Variants in CDYL observed in about 807,000 individuals in gnomAD.
CDYL encodes chromodomain Y-like protein.
Under a neutral mutation model 47.3 loss-of-function variants are expected in CDYL, and 8 were observed. The ratio of observed to expected loss-of-function variants is 0.17; its 90% CI spans 0.10 to 0.31. The LOEUF is 0.31. CDYL is among the 10% of genes least tolerant of loss of function. The probability of loss-of-function intolerance (pLI) is 1.00; values close to 1 mark genes in which losing one functional copy is unlikely to be tolerated. For synonymous variants in CDYL, 266 were observed against 265.0 expected (o/e 1.00, Z -0.04); for missense variants, 471 against 701.4 (o/e 0.67, Z 3.71).
At chr6:4,724,423 A>G (rs1012593118) in intron 2 of CDYL, 13 of 152,190 alleles carry the variant, frequency 8.5e-5, no homozygotes, top group African/African-American at 3.1e-4. Context: ...TGATGGGTTT[A>G]TGCTGCAGTA....
chr6:4,838,708 A>G (rs1159001940), intron 1 of CDYL, among the ~76,000 whole-genome samples: 4 of 151,020 alleles, frequency 2.6e-5, no homozygotes, highest in Non-Finnish European at 5.9e-5. Flanking sequence ...TTTTTTTGAG[A>G]CAGAGTCTCC....
At position 4,844,951 on chromosome 6, in the gene CDYL, A is replaced by G. The variant is rs566027480; in HGVS notation, c.25-46762A>G. 3.3e-5 allele frequency among the ~76,000 whole-genome samples: 5 copies of G among 152,262 alleles called. 1 individual carries two copies. In the South Asian group the frequency reaches 1.0e-3, roughly 32 times the overall value. On this transcript the variant is annotated intron_variant, in intron 1 of 6. Coordinates refer to ENST00000397588, the MANE Select transcript of CDYL (RefSeq NM_004824.4). ...ATAAATTGCCTTTTTCATTCTTTTGAATCTTTTGCTAAATTTAGATGCTGT... is the reference window on the plus strand; with the variant it reads ...ATAAATTGCCTTTTTCATTCTTTTGGATCTTTTGCTAAATTTAGATGCTGT...
intron 3 of CDYL, among the ~76,000 whole-genome samples, chr6:4,747,715 A>G (rs1300310302): frequency 6.6e-6 from 1 of 152,158 alleles, no homozygotes; most frequent in African/African-American, 2.4e-5. Flanking sequence ...ACTGTTTCTC[A>G]CCAGTGCAAG....
In CDYL at chr6:4,787,765, CTTTTTTTTTTT is replaced by C. The variant is rs70974136; in HGVS notation, c.24+10971_24+10981del. On this transcript the variant is annotated intron_variant, in intron 1 of 6. Coordinates refer to ENST00000397588, the MANE Select transcript of CDYL (RefSeq NM_004824.4). Reference sequence around the variant, plus strand: ...GGACAGGCTGCTCTGAAATTCAAGTCTTTTTTTTTTTTTTTTTTTTTTTGGGAGACAGAGTC... The same window carrying C: ...GGACAGGCTGCTCTGAAATTCAAGTCTTTTTTTTTTTTGGGAGACAGAGTC... 1.4e-4 allele frequency among the ~76,000 whole-genome samples: 10 copies of C among 69,408 alleles called. 1 individual carries two copies. The highest frequency in any genetic ancestry group is 4.5e-4 in the Admixed American group (2 of 4,404). The allele number at this position is 69,408 out of a possible 152,430, so 45.5% of individuals were successfully genotyped here. A position where few individuals can be genotyped will look rare whatever the true frequency, so the allele number is the denominator to read the frequency against.
chr6:4,853,574 TCTC>T (rs937282228), intron 1 of CDYL, among the ~76,000 whole-genome samples: 65 of 152,310 alleles, frequency 4.3e-4, no homozygotes, highest in African/African-American at 1.5e-3. Flanking sequence ...TTGAGTCTCT[TCTC>T]AGCTTCACTG....
At chr6:4,742,364 C>CA (rs60712483) in intron 3 of CDYL, among the ~76,000 whole-genome samples, 4,199 of 52,522 alleles carry the variant, frequency 0.08, 365 homozygotes, top group African/African-American at 0.23. Context: ...GATCCTGTCT[C>CA]AAAAAAAAAA....
chr6:4,793,661 A>G (rs1047989085), intron 1 of CDYL, among the ~76,000 whole-genome samples: 1 of 152,182 alleles, frequency 6.6e-6, no homozygotes, highest in African/African-American at 2.4e-5. Context: ...GAGACCAACT[A>G]GGAGGCTGGC....
intron 3 of CDYL, among the ~76,000 whole-genome samples, chr6:4,756,279 G>A (rs1473995284): frequency 6.6e-6 from 1 of 152,004 alleles, no homozygotes; most frequent in Admixed American, 6.6e-5. Context: ...TCCACATTTC[G>A]ACTCCAACCT....
rs1295018064 is a variant in CDYL, at chr6:4,777,175, G to C, written c.24+368G>C. On this transcript the variant is annotated intron_variant, in intron 1 of 6. Coordinates refer to ENST00000397588, the MANE Select transcript of CDYL (RefSeq NM_004824.4). ...GCGGTACGGGGGGTGGGGTGTGGGG[G>C]GGTTTCTGGATCATTTGATAAAGCA... 4.0e-5 allele frequency among the ~76,000 whole-genome samples: 6 copies of C among 150,558 alleles called. No individual in the cohort carries two copies. In the East Asian group the frequency reaches 1.2e-3, roughly 29 times the overall value.
At chr6:4,713,101 CAT>C (rs1279750571) in intron 1 of CDYL, among the ~76,000 whole-genome samples, 17 of 152,320 alleles carry the variant, frequency 1.1e-4, no homozygotes, top group Non-Finnish European at 2.1e-4. Context: ...GCCGTGACCA[CAT>C]GAGGGGGTCG....
In CDYL at chr6:4,829,141, G is replaced by A. The variant is rs77472823; in HGVS notation, c.24+52334G>A. 7.6e-3 allele frequency among the ~76,000 whole-genome samples: 1,159 copies of A among 152,116 alleles called. 19 individuals carry two copies. Among genetic ancestry groups the A allele is most frequent in the African/African-American group, 0.027 (1,111 of 41,480 alleles). ...ACTTCCCTATTTCTTTATATGCTTT[G>A]TGGGGTTTTTGTTGTTGTTACTGTT... On this transcript the variant is annotated intron_variant, in intron 1 of 6. Transcript: ENST00000397588.
chr6:4,900,779 G>GTGTGTGTGTATATATATA, intron 2 of CDYL, among the ~76,000 whole-genome samples: 9 of 51,692 alleles, frequency 1.7e-4, no homozygotes, highest in Non-Finnish European at 2.5e-4. Flanking sequence ...GTATACGTGT[G>GTGTGTGTGTATATATATA]TATATATATA....
chr6:4,733,292 A>T (rs1167913052), intron 2 of CDYL: 1 of 152,188 alleles, frequency 6.6e-6, no homozygotes, highest in Non-Finnish European at 1.5e-5. Context: ...GACACATTGC[A>T]ATCCTAACCT....
chr6:4,835,069 C>G (rs1760257987), intron 1 of CDYL, among the ~76,000 whole-genome samples: 1 of 152,206 alleles, frequency 6.6e-6, no homozygotes, highest in African/African-American at 2.4e-5. Flanking sequence ...CTTTTCTCAA[C>G]TCGTCAAAGT....
intron 2 of CDYL, among the ~76,000 whole-genome samples, chr6:4,909,996 T>C (rs1757361462): frequency 6.6e-6 from 1 of 152,020 alleles, no homozygotes; most frequent in Non-Finnish European, 1.5e-5. Flanking sequence ...TTCCTCCTGT[T>C]TTGCACATGT....
At chr6:4,719,952 G>A (rs1195587245) in intron 2 of CDYL, among the ~76,000 whole-genome samples, 1 of 152,114 alleles carries the variant, frequency 6.6e-6, no homozygotes, top group Non-Finnish European at 1.5e-5. Flanking sequence ...ACATTCCTCT[G>A]GCCTCTGTAT....
At chr6:4,871,060 T>TC (rs1284026775) in intron 1 of CDYL, among the ~76,000 whole-genome samples, 1 of 152,192 alleles carries the variant, frequency 6.6e-6, no homozygotes, top group Non-Finnish European at 1.5e-5. Context: ...GGATTTTACT[T>TC]TAAGTTTTGT....
intron 1 of CDYL, among the ~76,000 whole-genome samples, chr6:4,874,093 TAAAG>T (rs1439596974): frequency 6.6e-6 from 1 of 152,190 alleles, no homozygotes; most frequent in Non-Finnish European, 1.5e-5. Flanking sequence ...TCTCAACAGT[TAAAG>T]AAGGTGTTTC....
intron 1 of CDYL, among the ~76,000 whole-genome samples, chr6:4,811,073 A>G (rs895467140): frequency 6.6e-6 from 1 of 152,234 alleles, no homozygotes; most frequent in Non-Finnish European, 1.5e-5. Flanking sequence ...CTGGGAGCTA[A>G]TGAAGCTTCA....
Sources: gnomAD v4.1 joint callset for allele counts (sites outside exome capture counted in the v4.1 genomes callset) on GRCh38, gnomAD v4.1.1 for gene constraint, MANE v1.5 for transcripts, NCBI Gene and HGNC (gene_info 2026-07-23, HGNC 2026-07-21) for gene names.